XIRP2: variants seen among roughly 807,000 people sequenced by gnomAD.
The protein encoded by XIRP2 is xin actin-binding repeat-containing protein 2.
XIRP2 carries 236 observed loss-of-function variants against 277.0 expected under a neutral mutation model. The ratio of observed to expected loss-of-function variants is 0.85; its 90% CI spans 0.77 to 0.95. The LOEUF (loss-of-function observed/expected upper bound fraction) is 0.95. Ranked by LOEUF, XIRP2 falls within the 40% of genes least tolerant of loss-of-function variation. The pLI is 0.00. For synonymous variants in XIRP2, 1,490 were observed against 1,416.5 expected, an observed-to-expected ratio of 1.05 and a Z score of -1.17; for missense variants, 4,640 against 4,157.5, an observed-to-expected ratio of 1.12 and a Z score of -3.19.
intron 2 of XIRP2, among the ~76,000 whole-genome samples, chr2:167,059,093 T>A (rs1051741759): frequency 4.8e-5 from 7 of 146,888 alleles, no homozygotes; most frequent in Admixed American, 6.8e-5. Flanking sequence ...GATTTAACTT[T>A]TTTTTCTCTT....
chr2:167,021,578 G>T (rs1169744062), intron 2 of XIRP2, among the ~76,000 whole-genome samples: 3 of 152,052 alleles, frequency 2.0e-5, no homozygotes, highest in Non-Finnish European at 4.4e-5. Flanking sequence ...GCTATCTGCA[G>T]TGGCTGATGT....
chr2:166,963,327 C>T (rs546813498), intron 2 of XIRP2, among the ~76,000 whole-genome samples: 17 of 151,758 alleles, frequency 1.1e-4, no homozygotes, highest in African/African-American at 3.9e-4. Flanking sequence ...TTCATTCATT[C>T]GTTCATTCAT....
intron 9 of XIRP2, among the ~76,000 whole-genome samples, chr2:167,252,346 T>C (rs138682720): frequency 2.0e-4 from 31 of 152,134 alleles, no homozygotes; most frequent in African/African-American, 7.0e-4. Context: ...GATATTTGCA[T>C]TGAGTTCAAT....
At chr2:167,123,306 TAAG>T (rs1313439363) in intron 2 of XIRP2, among the ~76,000 whole-genome samples, 1 of 152,172 alleles carries the variant, frequency 6.6e-6, no homozygotes, top group Non-Finnish European at 1.5e-5. Flanking sequence ...TGACCGTTAT[TAAG>T]AAGTTCTTGT....
intron 2 of XIRP2, among the ~76,000 whole-genome samples, chr2:166,905,222 T>C (rs1684487315): frequency 6.6e-6 from 1 of 152,030 alleles, no homozygotes; most frequent in Non-Finnish European, 1.5e-5. Flanking sequence ...TTTATCTTTG[T>C]AAATTAAGAA....
At chr2:167,214,160 A>C (rs1414923676) in intron 4 of XIRP2, among the ~76,000 whole-genome samples, 11 of 93,848 alleles carry the variant, frequency 1.2e-4, no homozygotes, top group African/African-American at 2.2e-4. Flanking sequence ...GAAAGAAGGA[A>C]AGAAAGAGAA....
chr2:167,198,480 C>T (rs1041060714), intron 3 of XIRP2, among the ~76,000 whole-genome samples: 6 of 152,232 alleles, frequency 3.9e-5, no homozygotes, highest in African/African-American at 1.4e-4. Flanking sequence ...AATATATGAA[C>T]AAGAGGCCAA....
At chr2:166,913,316 C>CG (rs71395264) in intron 2 of XIRP2, among the ~76,000 whole-genome samples, 2 of 131,176 alleles carry the variant, frequency 1.5e-5, no homozygotes, top group South Asian at 2.7e-4. Flanking sequence ...GGGCACCCCC[C>CG]CCCCCCAGCC....
At chr2:167,067,155 G>A (rs1226197547) in intron 2 of XIRP2, among the ~76,000 whole-genome samples, 2 of 151,768 alleles carry the variant, frequency 1.3e-5, no homozygotes, top group Non-Finnish European at 2.9e-5. Context: ...CCTTTCCCGA[G>A]ACTTCAATTA....
rs201058763 is a variant in XIRP2, at chr2:167,019,981, T to C, written c.409-115928T>C. ...TTTCTGATTTCCAGCAAGGTTATAGTATGGCTCACAAATGCACTATTCGCT... is the reference window on the plus strand; with the variant it reads ...TTTCTGATTTCCAGCAAGGTTATAGCATGGCTCACAAATGCACTATTCGCT... On this transcript the variant is annotated intron_variant, in intron 2 of 10. Coordinates refer to ENST00000409195, the MANE Select transcript of XIRP2 (RefSeq NM_152381.6). Among the ~76,000 whole-genome samples, 32 of 152,204 alleles carry C rather than the reference T, an allele frequency of 2.1e-4. No homozygotes were observed. In the East Asian group the frequency reaches 3.7e-3, roughly 18 times the overall value.
At chr2:166,908,302 C>T (rs1684586834) in intron 2 of XIRP2, among the ~76,000 whole-genome samples, 1 of 152,176 alleles carries the variant, frequency 6.6e-6, no homozygotes, top group Non-Finnish European at 1.5e-5. Flanking sequence ...TTAATGATCA[C>T]CATTCTAACT....
intron 4 of XIRP2, 94 bp from the exon 5 acceptor site, chr2:167,218,072 C>A: frequency 9.2e-7 from 1 of 1,085,734 alleles, no homozygotes; most frequent in Non-Finnish European, 1.2e-6. Context: ...AAGATACTGT[C>A]TATCAATAAA....
At chr2:166,899,151 T>G (rs996419789) in intron 1 of XIRP2, among the ~76,000 whole-genome samples, 11 of 152,172 alleles carry the variant, frequency 7.2e-5, no homozygotes, top group African/African-American at 2.2e-4. Flanking sequence ...TTAGCTATAG[T>G]GTTTTGTAAC....
chr2:167,023,706 A>T (rs1688055905), intron 2 of XIRP2, among the ~76,000 whole-genome samples: 1 of 152,176 alleles, frequency 6.6e-6, no homozygotes, highest in Non-Finnish European at 1.5e-5. Flanking sequence ...CATTTATTAA[A>T]TAGGGAATCC....
chr2:167,235,744 G>A (rs1056606402), intron 5 of XIRP2, among the ~76,000 whole-genome samples: 1 of 151,826 alleles, frequency 6.6e-6, no homozygotes, highest in African/African-American at 2.4e-5. Flanking sequence ...TAATGAATGT[G>A]GAAAAGCCTT....
chr2:166,932,170 A>G (rs1187584991), intron 2 of XIRP2, among the ~76,000 whole-genome samples: 2 of 149,326 alleles, frequency 1.3e-5, no homozygotes, highest in East Asian at 3.9e-4. Flanking sequence ...CCAGATTATC[A>G]TCTTCCTGTT....
intron 1 of XIRP2, among the ~76,000 whole-genome samples, chr2:166,894,098 T>A (rs1169450560): frequency 6.6e-6 from 1 of 152,128 alleles, no homozygotes; most frequent in Non-Finnish European, 1.5e-5. Flanking sequence ...TTTAATGCAA[T>A]GGGCCACAAA....
At chr2:167,026,520 T>G (rs770092142) in intron 2 of XIRP2, among the ~76,000 whole-genome samples, 8 of 152,150 alleles carry the variant, frequency 5.3e-5, no homozygotes, top group Non-Finnish European at 1.0e-4. Context: ...GTTATTTTGC[T>G]CATTAGTTGA....
At chr2:166,951,221 A>G (rs1440204811) in intron 2 of XIRP2, among the ~76,000 whole-genome samples, 1 of 152,096 alleles carries the variant, frequency 6.6e-6, no homozygotes, top group South Asian at 2.1e-4. Flanking sequence ...TTGCACTGCT[A>G]TAAATAAATA....
Sources: gnomAD v4.1 joint callset for allele counts (sites outside exome capture counted in the v4.1 genomes callset) on GRCh38, gnomAD v4.1.1 for gene constraint, MANE v1.5 for transcripts, NCBI Gene and HGNC (gene_info 2026-07-23, HGNC 2026-07-21) for gene names.